Variants in ALAS1 observed in about 807,000 individuals in gnomAD.
ALAS1 encodes 5'-aminolevulinate synthase 1, also known as 5-aminolevulinate synthase, non-specific, mitochondrial.
ALAS1 carries 29 observed loss-of-function variants against 59.6 expected under a neutral mutation model. That is an observed-to-expected ratio of 0.49 (90% CI 0.36 to 0.66). The LOEUF is 0.66. Ranked by LOEUF, ALAS1 falls within the 30% of genes least tolerant of loss-of-function variation. ALAS1 has a pLI of 0.00. For synonymous variants in ALAS1, 299 were observed against 296.6 expected (o/e 1.01, Z -0.08); for missense variants, 690 against 807.5 (o/e 0.85, Z 1.76).
Position 52,212,380 on chromosome 3 carries a change from C to A in ALAS1, c.1722C>A (p.Pro574=). 1 of 1,614,084 alleles carries A rather than the reference C, an allele frequency of 6.2e-7. No individual in the cohort carries two copies. Among genetic ancestry groups the A allele is most frequent in the Non-Finnish European group, 8.5e-7 (1 of 1,180,012 alleles). ...GAGAAGAGCTCCTACGGATTGCCCCCACCCCTCACCACACACCCCAGATGA... is the reference window on the plus strand; with the variant it reads ...GAGAAGAGCTCCTACGGATTGCCCCAACCCCTCACCACACACCCCAGATGA... ...PRGEELLRIA[P]TPHHTPQMMN... The change falls in exon 11 of 12, where the codon CCC becomes CCA. Residue 574 remains proline (P), a synonymous_variant. Transcript: ENST00000484952.
intron 6 of ALAS1, 104 bp from the exon 7 acceptor site, chr3:52,205,735 C>T: frequency 1.8e-6 from 2 of 1,121,894 alleles, no homozygotes; most frequent in Non-Finnish European, 2.5e-6. Context: ...AGAGTTGCTA[C>T]ATCAACATGT....
intron 9 of ALAS1, among the ~76,000 whole-genome samples, chr3:52,209,062 G>A (rs1471186426): frequency 1.3e-5 from 2 of 152,166 alleles, no homozygotes; most frequent in Non-Finnish European, 2.9e-5. Flanking sequence ...TAAAGGAAGG[G>A]CAGGCTTTTT....
intron 9 of ALAS1, 136 bp downstream of exon 9, chr3:52,208,383 G>T: frequency 1.0e-6 from 1 of 959,478 alleles, no homozygotes; most frequent in Non-Finnish European, 1.5e-6. Flanking sequence ...TTTTGGCCCA[G>T]CTTAGTGGAA....
At chr3:52,210,625 T>A (rs546056377) in intron 9 of ALAS1, among the ~76,000 whole-genome samples, 1 of 151,772 alleles carries the variant, frequency 6.6e-6, no homozygotes, top group Non-Finnish European at 1.5e-5. Context: ...AAATAAAAAT[T>A]TAAAAAATCA....
intron 9 of ALAS1, among the ~76,000 whole-genome samples, chr3:52,209,375 T>G (rs1248309550): frequency 6.6e-6 from 1 of 152,064 alleles, no homozygotes; most frequent in Non-Finnish European, 1.5e-5. Flanking sequence ...GCCTGGCTAA[T>G]TTTTTGTATT....
intron 9 of ALAS1, among the ~76,000 whole-genome samples, chr3:52,209,926 C>T (rs778516311): frequency 1.2e-4 from 18 of 152,136 alleles, no homozygotes; most frequent in Non-Finnish European, 2.4e-4. Flanking sequence ...GTGATTTGCC[C>T]CCCTCGGCCT....
At chr3:52,199,605 G>C (rs906726584) in intron 3 of ALAS1, among the ~76,000 whole-genome samples, 165 bp downstream of exon 3, 2 of 152,146 alleles carry the variant, frequency 1.3e-5, no homozygotes, top group Non-Finnish European at 2.9e-5. Flanking sequence ...TCCCCCCAAG[G>C]GTAGGCACTT....
At chr3:52,207,442 GT>G (rs1488529541) in intron 8 of ALAS1, among the ~76,000 whole-genome samples, 1 of 151,832 alleles carries the variant, frequency 6.6e-6, no homozygotes, top group African/African-American at 2.4e-5. Context: ...GGCCTGTTGT[GT>G]TTTTTAATTT....
At chr3:52,206,549 A>C (rs1559874132) in intron 7 of ALAS1, 23 bp from the exon 8 acceptor site, 1 of 1,607,024 alleles carries the variant, frequency 6.2e-7, no homozygotes, top group Non-Finnish European at 8.5e-7. Flanking sequence ...ACATGGCAAT[A>C]AATAGCATTT....
At chr3:52,200,129 A>T (rs950432919) in intron 3 of ALAS1, among the ~76,000 whole-genome samples, 1 of 152,088 alleles carries the variant, frequency 6.6e-6, no homozygotes, top group Non-Finnish European at 1.5e-5. Context: ...TTGGCTTTTT[A>T]AAGTAGTGAT....
At chr3:52,198,648 T>G in intron 1 of ALAS1, 24 bp from the exon 2 acceptor site, 1 of 698,684 alleles carries the variant, frequency 1.4e-6, no homozygotes, top group Admixed American at 2.4e-5. Context: ...ACCCCTACCC[T>G]CATTTGTGCC....
chr3:52,203,571 G>A (rs1251504571), intron 4 of ALAS1, among the ~76,000 whole-genome samples: 2 of 151,924 alleles, frequency 1.3e-5, no homozygotes, highest in Admixed American at 6.6e-5. Flanking sequence ...TTGAGATTAG[G>A]ATTGGGGTGG....
chr3:52,214,179 G>A lies in ALAS1; in HGVS notation c.1922G>A (p.Ter641=). The stretch of plus-strand genomic sequence containing the variant: ...AGCAAGTTGGTATCTGCTCAGGCCT[G>A]AGCATGACCTCAATTATTTCACTTA... ...GLSKLVSAQA[*] Residue 641 remains the stop codon, a stop_retained_variant, in exon 12 of 12, where the codon TGA becomes TAA. Transcript: ENST00000484952. 1 of 1,584,832 alleles carries A rather than the reference G, an allele frequency of 6.3e-7. No homozygotes were observed. The highest frequency in any genetic ancestry group is 8.6e-7 in the Non-Finnish European group (1 of 1,156,772).
rs533270163 is a variant in ALAS1, at chr3:52,211,609, G to A, written c.1599+58G>A. ...GGGTGTGCCTCTACACATGATGTAC[G>A]GATGTTCTGCTTCATACCTTCCTGA... On this transcript the variant is annotated intron_variant, in intron 10 of 11. Coordinates refer to ENST00000484952, the MANE Select transcript of ALAS1 (RefSeq NM_000688.6). The A allele has an allele frequency of 3.1e-4, 500 of 1,590,854 alleles. 2 individuals are homozygous for A. The highest frequency in any genetic ancestry group is 7.6e-4 in the South Asian group (67 of 88,144).
chr3:52,214,051 GC>G lies in ALAS1; in HGVS notation c.1795del (p.Leu599TrpfsTer3), dbSNP rs755982793. The G allele has an allele frequency of 4.3e-6, 7 of 1,611,596 alleles. No individual in the cohort carries two copies. The highest frequency in any genetic ancestry group is 5.9e-6 in the Non-Finnish European group (7 of 1,177,870). The part of the protein sequence containing the change: ...NLLVTWKQVG[L>X]ELKPHSSAEC... ...TGCTAGTCACATGGAAGCAAGTGGG[GC>G]TGGAACTGAAGCCTCATTCCTCAGC... On this transcript the variant is annotated frameshift_variant, in exon 12 of 12. Coordinates refer to ENST00000484952, the MANE Select transcript of ALAS1 (RefSeq NM_000688.6). LOFTEE classifies it high-confidence loss of function.
chr3:52,202,565 A>G lies in ALAS1; in HGVS notation c.258A>G (p.Pro86=). 1 of 1,614,246 alleles carries G rather than the reference A, an allele frequency of 6.2e-7. No individual in the cohort carries two copies. The highest frequency in any genetic ancestry group is 8.5e-7 in the Non-Finnish European group (1 of 1,180,036). Residue 86 remains proline (P), a synonymous_variant, in exon 4 of 12, where the codon CCA becomes CCG. Coordinates refer to ENST00000484952, the MANE Select transcript of ALAS1 (RefSeq NM_000688.6). ...QQTPDGSQQS[P]DGTQLPSGHP... ...CTCCTGATGGATCCCAGCAGAGTCC[A>G]GATGGCACACAGCTTCCGTCTGGAC...
At chr3:52,205,800 T>C (rs1184769290) in intron 6 of ALAS1, 39 bp from the exon 7 acceptor site, 1 of 1,571,930 alleles carries the variant, frequency 6.4e-7, no homozygotes, top group Non-Finnish European at 8.7e-7. Context: ...TTGAGAACCA[T>C]GAGCTTTATT....
At chr3:52,207,246 G>T (rs1018000002) in intron 8 of ALAS1, among the ~76,000 whole-genome samples, 1 of 151,644 alleles carries the variant, frequency 6.6e-6, no homozygotes, top group Admixed American at 6.6e-5. Context: ...CTTGTGATCT[G>T]CCCGCCTCAG....
chr3:52,208,390 G>A, intron 9 of ALAS1, 143 bp downstream of exon 9: 1 of 870,814 alleles, frequency 1.1e-6, no homozygotes, highest in East Asian at 2.6e-5. Context: ...CCAGCTTAGT[G>A]GAATCCCTTG....
Sources: allele counts gnomAD v4.1 joint callset (sites outside exome capture counted in the v4.1 genomes callset), GRCh38; gene constraint gnomAD v4.1.1; transcripts MANE v1.5; gene names NCBI Gene and HGNC (gene_info 2026-07-23, HGNC 2026-07-21).